The following SHROOM3 variants were observed in gnomAD, a reference collection of about 807,000 sequenced individuals.
SHROOM3 encodes protein Shroom3.
SHROOM3 carries 47 observed loss-of-function variants against 138.6 expected under a neutral mutation model. That is an observed-to-expected ratio of 0.34 (90% CI 0.27 to 0.43). The LOEUF (loss-of-function observed/expected upper bound fraction) is 0.43, where lower values mean the gene tolerates loss of function less well. Among genes scored for constraint, SHROOM3 ranks in the 20% least tolerant of loss-of-function variants. The probability of loss-of-function intolerance (pLI) is 1.00; values close to 1 mark genes in which losing one functional copy is unlikely to be tolerated. For synonymous variants in SHROOM3, 1,062 were observed against 1,063.3 expected, an observed-to-expected ratio of 1.00 and a Z score of 0.02; for missense variants, 2,491 against 2,596.5, an observed-to-expected ratio of 0.96 and a Z score of 0.88.
intron 1 of SHROOM3, among the ~76,000 whole-genome samples, chr4:76,504,932 T>G (rs1325835895): frequency 6.6e-6 from 1 of 152,230 alleles, no homozygotes; most frequent in African/African-American, 2.4e-5. Flanking sequence ...AGACCCAAGT[T>G]GCAGGTGTAC....
chr4:76,599,726 G>A (rs1734464431), intron 2 of SHROOM3, among the ~76,000 whole-genome samples: 1 of 152,198 alleles, frequency 6.6e-6, no homozygotes, highest in African/African-American at 2.4e-5. Context: ...TCTGTAAAAT[G>A]TAGGGAAATA....
At chr4:76,445,337 A>G (rs1203692549) in intron 1 of SHROOM3, among the ~76,000 whole-genome samples, 2 of 152,194 alleles carry the variant, frequency 1.3e-5, no homozygotes, top group East Asian at 3.9e-4. Flanking sequence ...ACTGGCAATA[A>G]ACATGTTTGT....
At chr4:76,546,567 A>T (rs1431798844) in intron 1 of SHROOM3, among the ~76,000 whole-genome samples, 1 of 152,250 alleles carries the variant, frequency 6.6e-6, no homozygotes, top group Non-Finnish European at 1.5e-5. Context: ...CAAAACCAAG[A>T]ATGCCCACTG....
chr4:76,767,777 G>A (rs1313193998), intron 9 of SHROOM3, among the ~76,000 whole-genome samples: 4 of 152,110 alleles, frequency 2.6e-5, no homozygotes, highest in Non-Finnish European at 5.9e-5. Context: ...AAGGGTTTTA[G>A]TTCCTTCCAG....
Position 76,589,240 on chromosome 4 carries a change from G to A in SHROOM3, c.323+33477G>A, listed in dbSNP as rs1379841445. ...CCCAGCACTTTGGGAGGCCAAGGTG[G>A]GCAGATCACCTGAGGTCGGGAGTTT... is the stretch of plus-strand genomic sequence containing the variant. On this transcript the variant is annotated intron_variant, in intron 2 of 10. Transcript: ENST00000296043. 2.6e-5 allele frequency among the ~76,000 whole-genome samples: 4 copies of A among 152,220 alleles called. No homozygotes were observed. In the East Asian group the frequency reaches 7.7e-4, roughly 29 times the overall value.
chr4:76,756,397 C>G, intron 7 of SHROOM3, 52 bp from the exon 8 acceptor site: 2 of 1,490,372 alleles, frequency 1.3e-6, no homozygotes, highest in Non-Finnish European at 1.8e-6. Flanking sequence ...TCTCTTATCA[C>G]TCTCTCTTTC....
intron 2 of SHROOM3, chr4:76,688,714 T>C: frequency 1.0e-6 from 1 of 985,366 alleles, no homozygotes; most frequent in Non-Finnish European, 1.2e-6. Context: ...GCAAAACAAA[T>C]GCAAATGGAT....
At chr4:76,608,673 TAGCACAGCACAGCAC>T (rs559667555) in intron 2 of SHROOM3, among the ~76,000 whole-genome samples, 40,221 of 107,746 alleles carry the variant, frequency 0.37, 9,156 homozygotes, top group Middle Eastern at 0.55. Context: ...TAGCACAGCA[TAGCACAGCACAGCAC>T]AGCACAGCAC....
intron 8 of SHROOM3, among the ~76,000 whole-genome samples, chr4:76,757,830 A>G (rs1374719036): frequency 6.6e-6 from 1 of 152,220 alleles, no homozygotes; most frequent in Non-Finnish European, 1.5e-5. Flanking sequence ...AAGACTGAGT[A>G]GCTTTCATTT....
rs116203163 is a variant in SHROOM3 at position 76,543,690 on chromosome 4, A to C, written c.169-11919A>C. 7.7e-3 allele frequency among the ~76,000 whole-genome samples: 1,166 copies of C among 152,050 alleles called. 5 individuals are homozygous for C. The highest frequency in any genetic ancestry group is 0.012 in the Non-Finnish European group (799 of 67,996). On this transcript the variant is annotated intron_variant, in intron 1 of 10. Transcript: ENST00000296043. Reference sequence around the variant, plus strand: ...AGTCACCATGCCAGAGGGAAAGGAAACTCTGAAGGATCTCTGCCTGGAGAT... The same window carrying C: ...AGTCACCATGCCAGAGGGAAAGGAACCTCTGAAGGATCTCTGCCTGGAGAT...
At chr4:76,529,650 G>T (rs1398811097) in intron 1 of SHROOM3, among the ~76,000 whole-genome samples, 1 of 152,088 alleles carries the variant, frequency 6.6e-6, no homozygotes, top group Non-Finnish European at 1.5e-5. Context: ...GGAGAGTGGA[G>T]GCATAGGCCC....
rs139941690 is a variant in SHROOM3, at chr4:76,498,697, A to C, written c.169-56912A>C. ...GTGCTATTACAAGCAGATGAGAGGCATATTTGCTGAATAACGAGAGTAGCT... is the reference window on the plus strand; with the variant it reads ...GTGCTATTACAAGCAGATGAGAGGCCTATTTGCTGAATAACGAGAGTAGCT... On this transcript the variant is annotated intron_variant, in intron 1 of 10. Coordinates refer to ENST00000296043, the MANE Select transcript of SHROOM3 (RefSeq NM_020859.4). 3.3e-3 allele frequency among the ~76,000 whole-genome samples: 509 copies of C among 152,192 alleles called. 3 individuals are homozygous for C. Among genetic ancestry groups the C allele is most frequent in the African/African-American group, 0.012 (493 of 41,546 alleles).
At chr4:76,582,123 A>C (rs1734063864) in intron 2 of SHROOM3, among the ~76,000 whole-genome samples, 1 of 152,244 alleles carries the variant, frequency 6.6e-6, no homozygotes, top group South Asian at 2.1e-4. Context: ...TCTTGTGAGC[A>C]GAAGCAATAA....
At chr4:76,773,387 A>G (rs569298161) in intron 10 of SHROOM3, among the ~76,000 whole-genome samples, 1 of 152,048 alleles carries the variant, frequency 6.6e-6, no homozygotes, top group South Asian at 2.1e-4. Flanking sequence ...AAAAAAAAAA[A>G]AAAAGAGCTA....
At chr4:76,518,242 C>T (rs1170018980) in intron 1 of SHROOM3, among the ~76,000 whole-genome samples, 1 of 151,992 alleles carries the variant, frequency 6.6e-6, no homozygotes, top group African/African-American at 2.4e-5. Flanking sequence ...AGGTTCAAAC[C>T]TCTATAATTC....
At chr4:76,512,281 A>G (rs1253016079) in intron 1 of SHROOM3, among the ~76,000 whole-genome samples, 1 of 152,224 alleles carries the variant, frequency 6.6e-6, no homozygotes, top group African/African-American at 2.4e-5. Context: ...AACCCCTACA[A>G]TGGCATTGGG....
At chr4:76,743,642 T>C (rs1339032795) in intron 5 of SHROOM3, among the ~76,000 whole-genome samples, 1 of 152,218 alleles carries the variant, frequency 6.6e-6, no homozygotes, top group Non-Finnish European at 1.5e-5. Flanking sequence ...TGATGGAGCT[T>C]AAGTGCACAT....
intron 2 of SHROOM3, among the ~76,000 whole-genome samples, chr4:76,565,608 G>A (rs1733705435): frequency 6.6e-6 from 1 of 151,994 alleles, no homozygotes; most frequent in African/African-American, 2.4e-5. Context: ...TCAGCCTCCG[G>A]AGTAGCTGGG....
chr4:76,678,273 TG>T (rs1183437911), intron 2 of SHROOM3, among the ~76,000 whole-genome samples: 2 of 152,200 alleles, frequency 1.3e-5, no homozygotes, highest in East Asian at 3.9e-4. Context: ...AGGGTTTTTT[TG>T]TTGACATAGA....
Sources: allele counts gnomAD v4.1 joint callset (sites outside exome capture counted in the v4.1 genomes callset), GRCh38; gene constraint gnomAD v4.1.1; transcripts MANE v1.5; gene names NCBI Gene and HGNC (gene_info 2026-07-23, HGNC 2026-07-21).